Variants in ZNF483 observed in about 807,000 individuals in gnomAD.
ZNF483 encodes the protein zinc finger protein 483, also known as zinc finger protein HIT-10.
Under a neutral mutation model 28.6 loss-of-function variants are expected in ZNF483, and 9 were observed. That is an observed-to-expected ratio of 0.32 (90% confidence interval 0.19 to 0.55). ZNF483 has a LOEUF of 0.55. Among genes scored for constraint, ZNF483 ranks in the 20% least tolerant of loss-of-function variants. The probability of loss-of-function intolerance (pLI) is 0.93; values close to 1 mark genes in which losing one functional copy is unlikely to be tolerated. For synonymous variants in ZNF483, 322 were observed against 306.2 expected (o/e 1.05, Z -0.54); for missense variants, 675 against 871.7 (o/e 0.77, Z 2.84).
chr9:111,546,604 A>G lies in ZNF483; in HGVS notation c.*3434A>G, dbSNP rs1315853794. On this transcript the variant is annotated 3_prime_UTR_variant, in exon 6 of 6. Transcript: ENST00000309235. ...TAATGAGCGTGTATAAATTTTTTTC[A>G]TGTCACAGGACAAGGCAAGGTTTTG... Among the ~76,000 whole-genome samples, 1 of 152,172 alleles carries G rather than the reference A, an allele frequency of 6.6e-6. No individual in the cohort carries two copies. The highest frequency in any genetic ancestry group is 1.5e-5 in the Non-Finnish European group (1 of 68,006).
intron 5 of ZNF483, among the ~76,000 whole-genome samples, chr9:111,536,472 C>A (rs930149215): frequency 9.9e-5 from 15 of 152,120 alleles, no homozygotes; most frequent in Non-Finnish European, 2.1e-4. Context: ...TTGCACTGAG[C>A]CGAGATGGCG....
At chr9:111,564,281 TTATTA>T (rs1466795054) in intron 5 of ZNF483, 3 of 297,506 alleles carry the variant, frequency 1.0e-5, no homozygotes, top group African/African-American at 5.5e-5. Flanking sequence ...TAAACTTTTA[TTATTA>T]TTATTATTAT....
intron 3 of ZNF483, among the ~76,000 whole-genome samples, chr9:111,531,258 C>G (rs79960902): frequency 0.013 from 2,051 of 152,220 alleles, 16 homozygotes; most frequent in Non-Finnish European, 0.021. Context: ...TTTCCACATG[C>G]AATTTTGTTT....
downstream of ZNF483, among the ~76,000 whole-genome samples, chr9:111,557,591 CCTG>C (rs1241765404): frequency 3.3e-5 from 5 of 151,760 alleles, no homozygotes; most frequent in African/African-American, 1.2e-4. Flanking sequence ...GCCACCATGC[CCTG>C]CTAATTTTTG....
chr9:111,545,525 T>G lies in ZNF483; in HGVS notation c.*2355T>G, dbSNP rs915476731. ...TGCAACCATTACCATAATCCATTTT[T>G]TAGAACATCATCCCAGCAAGATCCG... On this transcript the variant is annotated 3_prime_UTR_variant, in exon 6 of 6. Coordinates refer to ENST00000309235, the MANE Select transcript of ZNF483 (RefSeq NM_133464.5). Among the ~76,000 whole-genome samples the G allele has an allele frequency of 6.6e-6, 1 of 152,156 alleles. No individual in the cohort carries two copies. The highest frequency in any genetic ancestry group is 1.5e-5 in the Non-Finnish European group (1 of 68,016).
rs556476265 is a variant in ZNF483 at position 111,552,691 on chromosome 9, C to A, written c.*9521C>A. On this transcript the variant is annotated 3_prime_UTR_variant, in exon 6 of 6. Transcript: ENST00000309235. ...TGGAGGTTCTTTGAGACAGAATATACCCAGAGTTTTCTTTGGGCAGTGTCT... is the reference window on the plus strand; with the variant it reads ...TGGAGGTTCTTTGAGACAGAATATAACCAGAGTTTTCTTTGGGCAGTGTCT... 1.3e-5 allele frequency among the ~76,000 whole-genome samples: 2 copies of A among 152,086 alleles called. No individual in the cohort carries two copies. Among genetic ancestry groups the A allele is most frequent in the South Asian group, 4.1e-4 (2 of 4,822 alleles).
In ZNF483 at chr9:111,541,949, C is replaced by G; in HGVS notation, c.1014C>G (p.Pro338=). ...KSRRYNESKK[P]FSFHSDLVLN... ...GGAGGTATAATGAAAGCAAGAAACC[C>G]TTCAGTTTTCATTCAGACCTTGTTC... The change falls in exon 6 of 6, where the codon CCC becomes CCG. Residue 338 remains proline, a synonymous_variant. Transcript: ENST00000309235. The G allele has an allele frequency of 6.2e-7, 1 of 1,614,062 alleles. No homozygotes were observed. Among genetic ancestry groups the G allele is most frequent in the Non-Finnish European group, 8.5e-7 (1 of 1,180,012 alleles).
At position 111,541,818 on chromosome 9, in the gene ZNF483, A is replaced by C. The variant is rs760861191; in HGVS notation, c.883A>C (p.Ser295Arg). The C allele has an allele frequency of 3.7e-6, 6 of 1,614,190 alleles. No homozygotes were observed. The highest frequency in any genetic ancestry group is 4.2e-6 in the Non-Finnish European group (5 of 1,180,030). Residue 295 changes from serine to arginine, a missense_variant, in exon 6 of 6, where the codon AGT (serine) becomes CGT (arginine). Transcript: ENST00000309235. ...VAQNKTLGSG[S>R]RGKKFDPDKS... ...ACAAAACAAAACTCTTGGGAGTGGCAGTAGGGGTAAGAAATTTGACCCAGA... is the reference window on the plus strand; with the variant it reads ...ACAAAACAAAACTCTTGGGAGTGGCCGTAGGGGTAAGAAATTTGACCCAGA...
In ZNF483 at chr9:111,542,923, A is replaced by G; in HGVS notation, c.1988A>G (p.Tyr663Cys). ...AGAATTCATACTGGTGTAAAACCTT[A>G]TAAATGTAAAGAATGTGGGAAGTCC... ...HQRIHTGVKP[Y>C]KCKECGKSFS... The change falls in exon 6 of 6, where the codon TAT becomes TGT. Residue 663 changes from tyrosine to cysteine, a missense_variant. Tyr to Cys is a radical substitution (Grantham distance 194, BLOSUM62 -2). Transcript: ENST00000309235. The surrounding 1 kb of genome is among the most constrained non-coding windows in gnomAD (Gnocchi z 6.2). The G allele has an allele frequency of 6.2e-7, 1 of 1,614,116 alleles. No homozygotes were observed. The highest frequency in any genetic ancestry group is 8.5e-7 in the Non-Finnish European group (1 of 1,180,004).
rs1448354229 is a variant in ZNF483 at position 111,542,396 on chromosome 9, A to G, written c.1461A>G (p.Arg487=). The G allele has an allele frequency of 1.2e-6, 2 of 1,614,030 alleles. No individual in the cohort carries two copies. Among genetic ancestry groups the G allele is most frequent in the East Asian group, 4.5e-5 (2 of 44,884 alleles). ...SDSSSLTPHH[R]THSGEKPFKC... ...GTTCATCGCTCACACCACATCATAGAACTCATAGTGGAGAGAAACCCTTCA... is the reference window on the plus strand; with the variant it reads ...GTTCATCGCTCACACCACATCATAGGACTCATAGTGGAGAGAAACCCTTCA... The change falls in exon 6 of 6, where the codon AGA becomes AGG. Residue 487 remains arginine, a synonymous_variant. Transcript: ENST00000309235. The surrounding 1 kb of genome is among the most constrained non-coding windows in gnomAD (Gnocchi z 6.2).
rs1194179976 is a variant in ZNF483, at chr9:111,547,412, T to G, written c.*4242T>G. Among the ~76,000 whole-genome samples the G allele has an allele frequency of 6.6e-6, 1 of 152,212 alleles. No homozygotes were observed. Among genetic ancestry groups the G allele is most frequent in the Non-Finnish European group, 1.5e-5 (1 of 68,020 alleles). ...AGTGATTAGTGATGTTAACTGTCTT[T>G]TTATGTGCTTATTGACCATTTGTAT... On this transcript the variant is annotated 3_prime_UTR_variant, in exon 6 of 6. Coordinates refer to ENST00000309235, the MANE Select transcript of ZNF483 (RefSeq NM_133464.5).
rs3031175 is a variant in ZNF483 at position 111,564,277 on chromosome 9, TTTATTATTATTATTATTA to T, written c.722-12061_722-12044del. 178 of 486,366 alleles carry T rather than the reference TTTATTATTATTATTATTA, an allele frequency of 3.7e-4. 6 individuals carry two copies. The highest frequency in any genetic ancestry group is 2.2e-3 in the African/African-American group (93 of 42,906). The allele number at this position is 486,366 out of a possible 1,614,324, so 30.1% of individuals were successfully genotyped here. ...AAGTAGGGAAGCTGAAATTTAAACT[TTTATTATTATTATTATTA>T]TTATTATTATTATTATTATTATTAT... On this transcript the variant is annotated intron_variant, in intron 5 of 5. Transcript: ENST00000358151.
intron 2 of ZNF483, 73 bp from the exon 3 acceptor site, chr9:111,530,796 TATATAC>T (rs1210669096): frequency 0.063 from 3,041 of 48,532 alleles, 466 homozygotes; most frequent in African/African-American, 0.077. Flanking sequence ...TATATATATA[TATATAC>T]ATATATATAT....
intron 5 of ZNF483, among the ~76,000 whole-genome samples, chr9:111,566,882 TAGGATA>T (rs932938870): frequency 4.6e-5 from 7 of 151,986 alleles, no homozygotes. Flanking sequence ...TGGATAAAAG[TAGGATA>T]GGAGCCTGGG....
chr9:111,535,190 C>T (rs1241473940), intron 5 of ZNF483, among the ~76,000 whole-genome samples: 1 of 152,160 alleles, frequency 6.6e-6, no homozygotes, highest in Non-Finnish European at 1.5e-5. Flanking sequence ...GTGTTGGATT[C>T]ATAGAGCAGC....
chr9:111,545,674 G>T lies in ZNF483; in HGVS notation c.*2504G>T, dbSNP rs1827790384. 1.3e-5 allele frequency among the ~76,000 whole-genome samples: 2 copies of T among 151,904 alleles called. No individual in the cohort carries two copies. The highest frequency in any genetic ancestry group is 2.9e-5 in the Non-Finnish European group (2 of 67,956). Reference sequence around the variant, plus strand: ...TTTATGTTATATGTGATCTTTCTGTGTTTTTTTCATTAATGTGTTTTAAGT... The same window carrying T: ...TTTATGTTATATGTGATCTTTCTGTTTTTTTTTCATTAATGTGTTTTAAGT... On this transcript the variant is annotated 3_prime_UTR_variant, in exon 6 of 6. Coordinates refer to ENST00000309235, the MANE Select transcript of ZNF483 (RefSeq NM_133464.5).
chr9:111,558,018 G>A (rs1037714104), downstream of ZNF483, among the ~76,000 whole-genome samples: 5 of 152,040 alleles, frequency 3.3e-5, no homozygotes, highest in East Asian at 1.9e-4. Context: ...ATGGTGGTGC[G>A]CGCCTGTAGT....
intron 5 of ZNF483, among the ~76,000 whole-genome samples, chr9:111,575,768 A>G (rs1829028188): frequency 1.3e-5 from 2 of 152,166 alleles, no homozygotes; most frequent in Admixed American, 1.3e-4. Flanking sequence ...GTAGACCTGA[A>G]TGTAACAGCT....
intron 2 of ZNF483, among the ~76,000 whole-genome samples, chr9:111,529,295 A>G (rs970268236): frequency 6.6e-6 from 1 of 152,240 alleles, no homozygotes; most frequent in Non-Finnish European, 1.5e-5. Context: ...AAGGTAGAGT[A>G]TGATTTGAAA....
Sources: gnomAD v4.1 joint callset for allele counts (sites outside exome capture counted in the v4.1 genomes callset) on GRCh38, gnomAD v4.1.1 for gene constraint, Gnocchi (gnomAD v3.1) non-coding constraint, MANE v1.5 for transcripts, NCBI Gene and HGNC (gene_info 2026-07-23, HGNC 2026-07-21) for gene names.